UTS2B: variants seen among roughly 807,000 people sequenced by gnomAD.
UTS2B encodes the protein urotensin-2B.
A neutral mutation model predicts 19.2 loss-of-function variants in UTS2B; 21 were observed. That is an observed-to-expected ratio of 1.09 (90% CI 0.78 to 1.58). The LOEUF is 1.58. Among genes scored for constraint, UTS2B ranks in the 40% most tolerant of loss-of-function variants. UTS2B has a pLI of 0.00. For missense variants in UTS2B, 138 were observed against 130.3 expected (o/e 1.06, Z -0.29); for synonymous variants, 57 against 50.2 (o/e 1.14, Z -0.58).
At chr3:191,330,177 C>G (rs4677629) in intron 1 of UTS2B, among the ~76,000 whole-genome samples, 47,585 of 151,986 alleles carry the variant, frequency 0.31, 8,165 homozygotes, top group East Asian at 0.7. Context: ...TCTCTCCCTA[C>G]TTTTCCTAGG....
In UTS2B at chr3:191,310,004, C is replaced by T. The variant is rs531148794; in HGVS notation, c.-181-5456G>A. On this transcript the variant is annotated intron_variant, in intron 3 of 8. Transcript: ENST00000340524. The stretch of plus-strand genomic sequence containing the variant: ...TTGTGGCAGGGTCTCACTCTGTCAC[C>T]CAGGCTGGAGCGCAGTGGCACGATC... Among the ~76,000 whole-genome samples the T allele has an allele frequency of 1.8e-4, 27 of 151,550 alleles. 1 individual carries two copies. In the South Asian group the frequency reaches 5.2e-3, roughly 29 times the overall value.
At position 191,278,190 on chromosome 3, in the gene UTS2B, C is replaced by G. The variant is rs1408859803; in HGVS notation, c.104-20G>C. ...CATTTCCTATAATGATCAAAAACCA[C>G]CATTTTCAATTTGAGTCACCGAAAA... On this transcript the variant is annotated intron_variant, in intron 5 of 8. Transcript: ENST00000340524. 7.4e-7 allele frequency: 1 copy of G among 1,355,362 alleles called. No homozygotes were observed. Among genetic ancestry groups the G allele is most frequent in the African/African-American group, 1.5e-5 (1 of 67,012 alleles). 84.0% of individuals were successfully genotyped at this position (1,355,362 alleles called of 1,614,324 possible).
chr3:191,339,555 A>G, the UTS2B span, among the ~76,000 whole-genome samples: 4 of 152,314 alleles, frequency 2.6e-5, no homozygotes, highest in East Asian at 5.8e-4. Context: ...ACTGAAGCCA[A>G]TTTCAGTAGC....
intron 2 of UTS2B, among the ~76,000 whole-genome samples, chr3:191,316,926 G>A (rs1303938422): frequency 2.0e-5 from 3 of 151,524 alleles, no homozygotes; most frequent in Non-Finnish European, 2.9e-5. Flanking sequence ...GTCCCCACCC[G>A]ACTCAGGAGC....
Position 191,315,599 on chromosome 3 carries a change from G to A in UTS2B, c.-182+437C>T, listed in dbSNP as rs968606044. On this transcript the variant is annotated intron_variant, in intron 3 of 8. Transcript: ENST00000340524. ...TTTGGTGATGGAAGTCTTCTGTGTT[G>A]ATGATTGTTATTGTGGTGTGAGGGC... Among the ~76,000 whole-genome samples the A allele has an allele frequency of 2.6e-5, 4 of 152,198 alleles. No homozygotes were observed. In the South Asian group the frequency reaches 6.2e-4, roughly 24 times the overall value.
chr3:191,291,326 A>AT (rs1716707500), intron 4 of UTS2B, among the ~76,000 whole-genome samples: 1 of 152,010 alleles, frequency 6.6e-6, no homozygotes. Flanking sequence ...CAATGTATCT[A>AT]TTTTTTCTTG....
intron 2 of UTS2B, among the ~76,000 whole-genome samples, chr3:191,325,047 C>A (rs1358079942): frequency 7.1e-6 from 1 of 140,276 alleles, no homozygotes; most frequent in Non-Finnish European, 1.6e-5. Context: ...GAGACTCCAT[C>A]TCAGGAAAAA....
chr3:191,313,950 T>TA (rs1205536366), intron 3 of UTS2B, among the ~76,000 whole-genome samples: 1 of 151,884 alleles, frequency 6.6e-6, no homozygotes, highest in Non-Finnish European at 1.5e-5. Flanking sequence ...AGGCTGGTCT[T>TA]AGACTCCTGA....
At chr3:191,302,499 T>A (rs928470565) in intron 4 of UTS2B, among the ~76,000 whole-genome samples, 4 of 152,232 alleles carry the variant, frequency 2.6e-5, no homozygotes, top group African/African-American at 9.6e-5. Context: ...GGCTCACTCT[T>A]GAATTCCTTC....
intron 6 of UTS2B, among the ~76,000 whole-genome samples, chr3:191,277,337 T>C (rs1308940402): frequency 6.6e-6 from 1 of 152,090 alleles, no homozygotes; most frequent in African/African-American, 2.4e-5. Flanking sequence ...ATATTACTTT[T>C]AGTTTAAAAA....
In UTS2B at chr3:191,329,815, G is replaced by A. The variant is rs1350381898; in HGVS notation, c.-665+599C>T. 8.6e-6 allele frequency: 12 copies of A among 1,387,830 alleles called. 1 individual carries two copies. The Middle Eastern group carries it at 1.5e-3, about 173-fold the overall frequency. 86.0% of individuals were successfully genotyped at this position (1,387,830 alleles called of 1,614,324 possible). ...GGGGCGTTGCCATTTCGGCTCCCGCGGCCCTCGCCCGGTGCCCGCCCTGCG... is the reference window on the plus strand; with the variant it reads ...GGGGCGTTGCCATTTCGGCTCCCGCAGCCCTCGCCCGGTGCCCGCCCTGCG... On this transcript the variant is annotated intron_variant, in intron 1 of 8. Transcript: ENST00000340524.
chr3:191,280,018 A>C (rs1716341228), intron 5 of UTS2B, among the ~76,000 whole-genome samples: 2 of 152,138 alleles, frequency 1.3e-5, no homozygotes, highest in African/African-American at 4.8e-5. Flanking sequence ...TTGACACAAA[A>C]GATGGCAAAG....
upstream of UTS2B, among the ~76,000 whole-genome samples, chr3:191,332,880 G>A (rs963985801): frequency 6.6e-6 from 1 of 152,082 alleles, no homozygotes; most frequent in African/African-American, 2.4e-5. Context: ...GATGTTGATC[G>A]AGGCCTTTCT....
rs1716413448 is a variant in UTS2B, at chr3:191,282,299, T to G, written c.-110A>C. On this transcript the variant is annotated 5_prime_UTR_variant, in exon 5 of 9. It removes the in-frame stop codon of an upstream open reading frame in the 5' UTR. Transcript: ENST00000340524. ...CTTAGTTGCAAAAGGCAAGTGTGCC[T>G]CAGTTACGAATGATCTAGATGAAGG... The G allele has an allele frequency of 1.4e-6, 1 of 702,308 alleles. No individual in the cohort carries two copies. The highest frequency in any genetic ancestry group is 1.8e-5 in the African/African-American group (1 of 55,742). The allele number at this position is 702,308 out of a possible 1,614,324, so 43.5% of individuals were successfully genotyped here.
chr3:191,315,529 A>G (rs1164346168), intron 3 of UTS2B, among the ~76,000 whole-genome samples: 2 of 152,234 alleles, frequency 1.3e-5, no homozygotes, highest in Non-Finnish European at 1.5e-5. Flanking sequence ...GGTGTCTGCT[A>G]CAGAACTAAT....
the UTS2B span, among the ~76,000 whole-genome samples, chr3:191,337,595 G>A: frequency 1.4e-3 from 215 of 151,854 alleles, 1 homozygote; most frequent in African/African-American, 4.8e-3. Context: ...CGCCCATCTC[G>A]GCCTCCCAAA....
rs1716000599 is a variant in UTS2B at position 191,268,412 on chromosome 3, A to G, written c.*4T>C. ...TATCTTTTTTTGCATCCAGAGAAAA[A>G]GCTTTAAACACAGTATTTCCAAAAG... On this transcript the variant is annotated 3_prime_UTR_variant, in exon 9 of 9. Transcript: ENST00000340524. The G allele has an allele frequency of 1.3e-6, 2 of 1,558,280 alleles. No individual in the cohort carries two copies. The highest frequency in any genetic ancestry group is 8.8e-7 in the Non-Finnish European group (1 of 1,139,484).
chr3:191,320,925 C>G (rs1717596476), intron 2 of UTS2B, among the ~76,000 whole-genome samples: 1 of 152,172 alleles, frequency 6.6e-6, no homozygotes, highest in Admixed American at 6.5e-5. Flanking sequence ...CTCCAGAATA[C>G]AGGTATCACC....
the UTS2B span, among the ~76,000 whole-genome samples, chr3:191,337,795 C>A: frequency 6.6e-6 from 1 of 151,740 alleles, no homozygotes; most frequent in South Asian, 2.1e-4. Flanking sequence ...CATGAGTATC[C>A]AACAGATTTA....
Sources: gnomAD v4.1 joint callset for allele counts (sites outside exome capture counted in the v4.1 genomes callset) on GRCh38, gnomAD v4.1.1 for gene constraint, MANE v1.5 for transcripts, NCBI Gene and HGNC (gene_info 2026-07-23, HGNC 2026-07-21) for gene names.